The following TFEC variants were observed in gnomAD, a reference collection of about 807,000 sequenced individuals.
The protein encoded by TFEC is class E basic helix-loop-helix protein 34.
A neutral mutation model predicts 41.6 loss-of-function variants in TFEC; 31 were observed. The ratio of observed to expected loss-of-function variants is 0.74; its 90% CI spans 0.56 to 1.01. TFEC has a LOEUF of 1.01. Among genes scored for constraint, TFEC ranks in the 50% least tolerant of loss-of-function variants. The probability of loss-of-function intolerance (pLI) is 0.00; values close to 1 mark genes in which losing one functional copy is unlikely to be tolerated. For synonymous variants in TFEC, 143 were observed against 140.6 expected, an observed-to-expected ratio of 1.02 and a Z score of -0.12; for missense variants, 402 against 404.1, an observed-to-expected ratio of 0.99 and a Z score of 0.04.
intron 6 of TFEC, among the ~76,000 whole-genome samples, chr7:115,950,177 A>G (rs1011802119): frequency 3.9e-5 from 6 of 151,916 alleles, no homozygotes; most frequent in Admixed American, 3.3e-4. Flanking sequence ...ACACCTGGCT[A>G]ACTTTTGTAT....
intron 3 of TFEC, among the ~76,000 whole-genome samples, chr7:116,080,426 A>C (rs190353808): frequency 1.1e-4 from 17 of 152,202 alleles, no homozygotes; most frequent in Admixed American, 1.1e-3. Flanking sequence ...ATGCACCAGA[A>C]AAAGGACTAA....
At chr7:116,110,083 G>C (rs1308382658) in intron 3 of TFEC, among the ~76,000 whole-genome samples, 1 of 152,138 alleles carries the variant, frequency 6.6e-6, no homozygotes, top group Non-Finnish European at 1.5e-5. Flanking sequence ...TCATGGAGTG[G>C]GGGGAAGGGG....
At chr7:116,080,580 C>A (rs558715328) in intron 3 of TFEC, among the ~76,000 whole-genome samples, 95 of 152,148 alleles carry the variant, frequency 6.2e-4, no homozygotes, top group African/African-American at 2.3e-3. Context: ...GGCCAAGAAG[C>A]ATATGGAAAA....
At chr7:116,095,736 T>C (rs1385188100) in intron 3 of TFEC, among the ~76,000 whole-genome samples, 2 of 152,222 alleles carry the variant, frequency 1.3e-5, no homozygotes, top group Non-Finnish European at 2.9e-5. Context: ...TTAGGGATTC[T>C]ACGTTTCCTT....
At chr7:116,079,357 G>A (rs1440780849) in intron 3 of TFEC, among the ~76,000 whole-genome samples, 1 of 151,922 alleles carries the variant, frequency 6.6e-6, no homozygotes, top group Non-Finnish European at 1.5e-5. Flanking sequence ...AACAAATAAA[G>A]GGCATCCACA....
intron 3 of TFEC, among the ~76,000 whole-genome samples, chr7:116,086,649 T>G (rs1186339308): frequency 1.3e-5 from 2 of 151,656 alleles, no homozygotes; most frequent in African/African-American, 2.4e-5. Context: ...AAATGCAAAG[T>G]GACAATATGA....
At chr7:116,016,055 C>T (rs1584700759) in intron 1 of TFEC, among the ~76,000 whole-genome samples, 2 of 152,156 alleles carry the variant, frequency 1.3e-5, no homozygotes, top group South Asian at 4.1e-4. Context: ...GTAAGAGAGA[C>T]TAAAAGAATC....
intron 3 of TFEC, among the ~76,000 whole-genome samples, chr7:116,076,216 G>A (rs775117178): frequency 5.3e-5 from 8 of 152,074 alleles, no homozygotes; most frequent in African/African-American, 9.7e-5. Flanking sequence ...CATTCCTAGG[G>A]GAAGCAGGAG....
intron 3 of TFEC, among the ~76,000 whole-genome samples, chr7:116,042,709 T>A (rs1796068819): frequency 6.6e-6 from 1 of 152,034 alleles, no homozygotes. Flanking sequence ...GATTCAGGAG[T>A]CAGGCAGGGA....
intron 3 of TFEC, among the ~76,000 whole-genome samples, chr7:116,088,066 A>G (rs1191478554): frequency 6.6e-6 from 1 of 152,116 alleles, no homozygotes; most frequent in Non-Finnish European, 1.5e-5. Flanking sequence ...CTTTGCTGTC[A>G]TGATTCTCAT....
At chr7:116,039,854 A>G (rs946364709) in intron 3 of TFEC, among the ~76,000 whole-genome samples, 1 of 152,104 alleles carries the variant, frequency 6.6e-6, no homozygotes, top group Non-Finnish European at 1.5e-5. Flanking sequence ...AGAATCATCA[A>G]TGCACACTTC....
chr7:115,944,422 T>C (rs886235913), intron 6 of TFEC, among the ~76,000 whole-genome samples: 1 of 151,588 alleles, frequency 6.6e-6, no homozygotes, highest in Non-Finnish European at 1.5e-5. Flanking sequence ...GAGATTGTCA[T>C]TGCCTGGTCA....
At chr7:115,991,679 C>T (rs1246844095) in intron 1 of TFEC, among the ~76,000 whole-genome samples, 1 of 152,158 alleles carries the variant, frequency 6.6e-6, no homozygotes, top group African/African-American at 2.4e-5. Flanking sequence ...AGCTAACTAA[C>T]CTAAATATAT....
intron 1 of TFEC, among the ~76,000 whole-genome samples, chr7:116,138,401 G>A (rs887166146): frequency 3.3e-5 from 5 of 152,098 alleles, no homozygotes; most frequent in Non-Finnish European, 7.4e-5. Flanking sequence ...TCCCCAGTAC[G>A]TCACACAGAA....
chr7:116,131,889 C>T (rs1045191915), intron 1 of TFEC, among the ~76,000 whole-genome samples: 1 of 152,130 alleles, frequency 6.6e-6, no homozygotes, highest in African/African-American at 2.4e-5. Context: ...GAGCTTTTCC[C>T]ACAGGGGCAC....
At chr7:116,117,935 C>T (rs932931438) in intron 1 of TFEC, among the ~76,000 whole-genome samples, 16 of 151,792 alleles carry the variant, frequency 1.1e-4, no homozygotes, top group African/African-American at 3.6e-4. Flanking sequence ...TGCCCCAAGG[C>T]ACTCGTATAC....
chr7:116,051,940 GA>G (rs1489001464), intron 3 of TFEC, among the ~76,000 whole-genome samples: 2 of 152,014 alleles, frequency 1.3e-5, no homozygotes, highest in Non-Finnish European at 2.9e-5. Context: ...TGCATTGTTA[GA>G]GGAAACTAGA....
chr7:115,973,319 A>G (rs1343915855), intron 3 of TFEC, among the ~76,000 whole-genome samples: 2 of 152,010 alleles, frequency 1.3e-5, no homozygotes, highest in Admixed American at 6.6e-5. Context: ...AACATCCATC[A>G]TAATGTAGTC....
intron 5 of TFEC, among the ~76,000 whole-genome samples, chr7:115,952,840 G>T (rs73458764): frequency 0.023 from 3,476 of 152,198 alleles, 118 homozygotes; most frequent in African/African-American, 0.079. Flanking sequence ...TTTAGAGGAA[G>T]CACTCTTGCC....
Sources: allele counts gnomAD v4.1 joint callset (sites outside exome capture counted in the v4.1 genomes callset), GRCh38; gene constraint gnomAD v4.1.1; transcripts MANE v1.5; gene names NCBI Gene and HGNC (gene_info 2026-07-23, HGNC 2026-07-21).